Variants in KIAA1328 observed in about 807,000 individuals in gnomAD.
KIAA1328 encodes the protein protein hinderin.
Under a neutral mutation model 68.1 loss-of-function variants are expected in KIAA1328, and 52 were observed. That is an observed-to-expected ratio of 0.76 (90% CI 0.61 to 0.96). The LOEUF is 0.96. Among genes scored for constraint, KIAA1328 ranks in the 40% least tolerant of loss-of-function variants. KIAA1328 has a pLI of 0.00. For synonymous variants in KIAA1328, 232 were observed against 239.4 expected (o/e 0.97, Z 0.28); for missense variants, 641 against 677.6 (o/e 0.95, Z 0.60).
chr18:36,840,188 G>A (rs932635935), intron 3 of KIAA1328, among the ~76,000 whole-genome samples: 2 of 152,108 alleles, frequency 1.3e-5, no homozygotes, highest in African/African-American at 2.4e-5. Flanking sequence ...ACAGTTGTAG[G>A]GCTCGCCTTG....
chr18:37,114,565 C>T (rs528030676), intron 7 of KIAA1328, among the ~76,000 whole-genome samples: 6 of 152,250 alleles, frequency 3.9e-5, no homozygotes, highest in African/African-American at 1.4e-4. Context: ...CAGGAAAGAT[C>T]TAAAACTGAC....
downstream of KIAA1328, among the ~76,000 whole-genome samples, chr18:37,227,039 T>G (rs2060644041): frequency 6.6e-6 from 1 of 152,218 alleles, no homozygotes; most frequent in Non-Finnish European, 1.5e-5. Flanking sequence ...AGTGCTGGGA[T>G]TACGGGTGTG....
chr18:37,174,695 G>T (rs574336598), intron 9 of KIAA1328, among the ~76,000 whole-genome samples: 1 of 151,892 alleles, frequency 6.6e-6, no homozygotes, highest in Admixed American at 6.6e-5. Context: ...CCAGGTTCAC[G>T]CCATTCTCCT....
chr18:36,951,862 GA>G (rs1321912234), intron 5 of KIAA1328, among the ~76,000 whole-genome samples: 1 of 152,088 alleles, frequency 6.6e-6, no homozygotes, highest in Non-Finnish European at 1.5e-5. Context: ...CTCTTGCTTA[GA>G]CTTCTATAGT....
chr18:37,032,440 C>G (rs1313588769), intron 6 of KIAA1328, among the ~76,000 whole-genome samples: 1 of 151,660 alleles, frequency 6.6e-6, no homozygotes, highest in Non-Finnish European at 1.5e-5. Context: ...TAGTTTTCAT[C>G]TAGTATCATT....
At chr18:37,202,059 A>C (rs531789912) in intron 9 of KIAA1328, among the ~76,000 whole-genome samples, 1 of 152,312 alleles carries the variant, frequency 6.6e-6, no homozygotes, top group East Asian at 1.9e-4. Flanking sequence ...GTGAACAACT[A>C]TATTGCCATA....
At chr18:36,957,828 A>G (rs1477590823) in intron 5 of KIAA1328, among the ~76,000 whole-genome samples, 1 of 152,154 alleles carries the variant, frequency 6.6e-6, no homozygotes, top group Non-Finnish European at 1.5e-5. Context: ...GTAAAATAAA[A>G]TTCACCCTTT....
intron 5 of KIAA1328, among the ~76,000 whole-genome samples, chr18:36,956,192 T>G (rs901071911): frequency 1.3e-5 from 2 of 152,242 alleles, no homozygotes; most frequent in South Asian, 2.1e-4. Context: ...TAGGTTTTGA[T>G]GTAATCTTGC....
intron 7 of KIAA1328, among the ~76,000 whole-genome samples, chr18:37,126,488 G>A (rs958521316): frequency 4.6e-5 from 7 of 152,044 alleles, no homozygotes; most frequent in Admixed American, 1.3e-4. Context: ...GAAAACTTAG[G>A]TCCTAGAAGG....
intron 5 of KIAA1328, among the ~76,000 whole-genome samples, chr18:36,959,070 CGAG>C (rs2151269065): frequency 6.6e-6 from 1 of 151,840 alleles, no homozygotes; most frequent in South Asian, 2.1e-4. Flanking sequence ...TTTAAAGAAT[CGAG>C]GAATAAATTT....
intron 7 of KIAA1328, among the ~76,000 whole-genome samples, chr18:37,111,781 G>A (rs947998112): frequency 6.6e-6 from 1 of 152,184 alleles, no homozygotes; most frequent in Non-Finnish European, 1.5e-5. Flanking sequence ...GCCAAGGGAA[G>A]CCATGACAGA....
intron 8 of KIAA1328, 50 bp downstream of exon 8, chr18:37,160,431 A>G: frequency 6.6e-7 from 1 of 1,506,042 alleles, no homozygotes; most frequent in Non-Finnish European, 9.1e-7. Flanking sequence ...AGGGGAAGGT[A>G]GTTGCTAGCC....
At chr18:37,069,261 T>G (rs1368432884) in intron 7 of KIAA1328, among the ~76,000 whole-genome samples, 1 of 92,534 alleles carries the variant, frequency 1.1e-5, no homozygotes, top group African/African-American at 3.7e-5. Context: ...TTTGCATCAG[T>G]TTTTTTTTTT....
chr18:36,835,457 A>T (rs1044016891), intron 3 of KIAA1328, 81 bp downstream of exon 3: 9 of 1,269,732 alleles, frequency 7.1e-6, no homozygotes, highest in Non-Finnish European at 9.9e-6. Flanking sequence ...AGAACCTTTG[A>T]AAGTATACTA....
At chr18:36,864,018 T>C (rs1485168959) in intron 4 of KIAA1328, among the ~76,000 whole-genome samples, 2 of 152,202 alleles carry the variant, frequency 1.3e-5, no homozygotes, top group Non-Finnish European at 2.9e-5. Flanking sequence ...TCTAAACTTC[T>C]GGTCCTAACT....
At position 37,056,550 on chromosome 18, in the gene KIAA1328, G is replaced by C. The variant is rs1005349939; in HGVS notation, c.577-10340G>C. Among the ~76,000 whole-genome samples, 3 of 152,024 alleles carry C rather than the reference G, an allele frequency of 2.0e-5. No homozygotes were observed. In the East Asian group the frequency reaches 5.8e-4, roughly 29 times the overall value. On this transcript the variant is annotated intron_variant, in intron 6 of 9. Coordinates refer to ENST00000280020, the MANE Select transcript of KIAA1328 (RefSeq NM_020776.3). ...ATACCTTCATTTTCTCCTCATCTTT[G>C]TTTTATGCTGTGGATTCCATAGCAC... is the stretch of plus-strand genomic sequence containing the variant.
At chr18:36,832,688 A>G (rs1430541401) in intron 1 of KIAA1328, 2 of 152,060 alleles carry the variant, frequency 1.3e-5, no homozygotes, top group African/African-American at 4.8e-5. Flanking sequence ...ATCAATACCA[A>G]TTTTATTCTT....
intron 4 of KIAA1328, among the ~76,000 whole-genome samples, chr18:36,883,462 C>G (rs2048385375): frequency 6.6e-6 from 1 of 152,200 alleles, no homozygotes; most frequent in Admixed American, 6.5e-5. Flanking sequence ...AGCAATCCTA[C>G]AAAGGCATCT....
At chr18:36,917,266 TTTGTC>T (rs2049744244) in intron 5 of KIAA1328, among the ~76,000 whole-genome samples, 1 of 152,100 alleles carries the variant, frequency 6.6e-6, no homozygotes. Context: ...TTTGTTTTGT[TTTGTC>T]TTGTTTGTTA....
Sources: allele counts gnomAD v4.1 joint callset (sites outside exome capture counted in the v4.1 genomes callset), GRCh38; gene constraint gnomAD v4.1.1; transcripts MANE v1.5; gene names NCBI Gene and HGNC (gene_info 2026-07-23, HGNC 2026-07-21).